The following CERS6 variants were observed in gnomAD, a reference collection of about 807,000 sequenced individuals.
The protein encoded by CERS6 is ceramide synthase 6, also known as LAG1 homolog, ceramide synthase 6.
A neutral mutation model predicts 56.8 loss-of-function variants in CERS6; 26 were observed. The observed-to-expected ratio is 0.46, with a 90% confidence interval of 0.34 to 0.63. The LOEUF (loss-of-function observed/expected upper bound fraction) is 0.63. Among genes scored for constraint, CERS6 ranks in the 30% least tolerant of loss-of-function variants. CERS6 has a pLI of 0.01. For synonymous variants in CERS6, 164 were observed against 173.3 expected (o/e 0.95, Z 0.42); for missense variants, 415 against 467.5 (o/e 0.89, Z 1.04).
chr2:168,766,908 A>G (rs1684745774), intron 9 of CERS6, among the ~76,000 whole-genome samples: 1 of 152,196 alleles, frequency 6.6e-6, no homozygotes, highest in Non-Finnish European at 1.5e-5. Context: ...AGAAATCCTA[A>G]TTATTTTGAT....
chr2:168,579,942 C>T (rs1284513417), intron 3 of CERS6, among the ~76,000 whole-genome samples: 1 of 152,180 alleles, frequency 6.6e-6, no homozygotes. Context: ...CCCTAGTGCC[C>T]CCCAATCCAT....
At chr2:168,658,137 C>A (rs1257255250) in intron 4 of CERS6, among the ~76,000 whole-genome samples, 1 of 152,170 alleles carries the variant, frequency 6.6e-6, no homozygotes, top group African/African-American at 2.4e-5. Flanking sequence ...GTTTCCTTAT[C>A]TGTAAAATTA....
intron 8 of CERS6, among the ~76,000 whole-genome samples, chr2:168,760,795 G>C (rs888924228): frequency 6.6e-6 from 1 of 150,750 alleles, no homozygotes; most frequent in African/African-American, 2.5e-5. Context: ...TTGCTCTGTC[G>C]CCCAGGCTGG....
At chr2:168,696,285 C>A (rs1200414990) in intron 6 of CERS6, among the ~76,000 whole-genome samples, 1 of 152,144 alleles carries the variant, frequency 6.6e-6, no homozygotes, top group South Asian at 2.1e-4. Flanking sequence ...CCCTTAGAAC[C>A]AAAAGTCATG....
At chr2:168,760,738 GTTTA>G (rs80269147) in intron 8 of CERS6, among the ~76,000 whole-genome samples, 63 of 129,336 alleles carry the variant, frequency 4.9e-4, no homozygotes, top group Middle Eastern at 3.5e-3. Context: ...TTTACTGTTT[GTTTA>G]TTTATTTATT....
chr2:168,476,771 G>GT (rs201139768), intron 1 of CERS6, among the ~76,000 whole-genome samples: 5 of 151,916 alleles, frequency 3.3e-5, no homozygotes, highest in Middle Eastern at 3.4e-3. Context: ...CTTTTCCTCT[G>GT]TTTTTTTTCT....
At chr2:168,494,615 A>C (rs1022720351) in intron 1 of CERS6, among the ~76,000 whole-genome samples, 1 of 152,032 alleles carries the variant, frequency 6.6e-6, no homozygotes, top group Non-Finnish European at 1.5e-5. Context: ...CCCCCTATCG[A>C]CTTCACTAGG....
At chr2:168,497,799 T>A (rs1266198931) in intron 1 of CERS6, among the ~76,000 whole-genome samples, 3 of 152,110 alleles carry the variant, frequency 2.0e-5, no homozygotes, top group Non-Finnish European at 4.4e-5. Flanking sequence ...TGACATGAGC[T>A]TCCTTCTTGG....
At chr2:168,598,384 C>T (rs779919663) in intron 3 of CERS6, among the ~76,000 whole-genome samples, 1 of 151,662 alleles carries the variant, frequency 6.6e-6, no homozygotes, top group Non-Finnish European at 1.5e-5. Context: ...AGTAATTAAC[C>T]AGAGAGTTTT....
chr2:168,631,574 A>AAC, intron 4 of CERS6, among the ~76,000 whole-genome samples: 1 of 118,426 alleles, frequency 8.4e-6, no homozygotes, highest in South Asian at 2.3e-4. Context: ...TATTAAATAT[A>AAC]ATATATATTT....
At chr2:168,746,703 C>T (rs756083043) in intron 8 of CERS6, among the ~76,000 whole-genome samples, 3 of 147,696 alleles carry the variant, frequency 2.0e-5, no homozygotes, top group Admixed American at 1.4e-4. Context: ...GGCACTGAAG[C>T]AGCTTCCCCT....
chr2:168,461,195 A>G (rs979346908), intron 1 of CERS6, among the ~76,000 whole-genome samples: 1 of 152,182 alleles, frequency 6.6e-6, no homozygotes, highest in Non-Finnish European at 1.5e-5. Flanking sequence ...CTTGCATACA[A>G]CCATGGTTTT....
chr2:168,520,598 C>G (rs1307290520), intron 1 of CERS6, among the ~76,000 whole-genome samples: 1 of 57,860 alleles, frequency 1.7e-5, no homozygotes, highest in Non-Finnish European at 3.2e-5. Flanking sequence ...TTACAATATC[C>G]TTTTTTTTTT....
chr2:168,737,085 G>A (rs1683736844), intron 8 of CERS6, among the ~76,000 whole-genome samples: 1 of 152,150 alleles, frequency 6.6e-6, no homozygotes, highest in African/African-American at 2.4e-5. Context: ...TCCTGCTTCT[G>A]TCTACCTTGA....
rs144031793 is a variant in CERS6 at position 168,638,285 on chromosome 2, C to G, written c.465+7243C>G. 1.6e-4 allele frequency among the ~76,000 whole-genome samples: 25 copies of G among 152,182 alleles called. 1 individual carries two copies. The East Asian group carries it at 2.5e-3, about 15-fold the overall frequency. On this transcript the variant is annotated intron_variant, in intron 4 of 9. Transcript: ENST00000305747. ...CATTCCACAGAACAATTTTTTCTCTCCTTCTATGTTATGAATTTATTTTCT... is the reference window on the plus strand; with the variant it reads ...CATTCCACAGAACAATTTTTTCTCTGCTTCTATGTTATGAATTTATTTTCT...
intron 3 of CERS6, among the ~76,000 whole-genome samples, chr2:168,621,611 A>G (rs901714628): frequency 6.6e-6 from 1 of 152,202 alleles, no homozygotes. Flanking sequence ...ACGGGAAGGG[A>G]CAGATACCAT....
intron 1 of CERS6, among the ~76,000 whole-genome samples, chr2:168,493,241 C>T (rs1694405605): frequency 6.6e-6 from 1 of 152,102 alleles, no homozygotes; most frequent in Non-Finnish European, 1.5e-5. Context: ...AGTAGCTTCT[C>T]AGATCCACCT....
intron 1 of CERS6, among the ~76,000 whole-genome samples, chr2:168,493,960 C>T (rs1281093576): frequency 6.6e-6 from 1 of 152,074 alleles, no homozygotes; most frequent in African/African-American, 2.4e-5. Context: ...GTCAAGACTG[C>T]ACAGACTAAG....
intron 4 of CERS6, among the ~76,000 whole-genome samples, chr2:168,654,251 T>A (rs970170482): frequency 6.6e-6 from 1 of 152,294 alleles, no homozygotes; most frequent in Admixed American, 6.5e-5. Context: ...TATATTTTTT[T>A]AAAATGTGTG....
Sources: gnomAD v4.1 joint callset for allele counts (sites outside exome capture counted in the v4.1 genomes callset) on GRCh38, gnomAD v4.1.1 for gene constraint, MANE v1.5 for transcripts, NCBI Gene and HGNC (gene_info 2026-07-23, HGNC 2026-07-21) for gene names.